DOK5: variants seen among roughly 807,000 people sequenced by gnomAD.
DOK5 encodes docking protein 5.
Under a neutral mutation model 43.3 loss-of-function variants are expected in DOK5, and 27 were observed. That is an observed-to-expected ratio of 0.62 (90% CI 0.46 to 0.86). The LOEUF is 0.86. Among genes scored for constraint, DOK5 ranks in the 40% least tolerant of loss-of-function variants. DOK5 has a pLI of 0.00. For missense variants in DOK5, 373 were observed against 392.9 expected (o/e 0.95, Z 0.43); for synonymous variants, 146 against 140.1 (o/e 1.04, Z -0.30).
chr20:54,619,872 G>C (rs1986928078), intron 6 of DOK5, among the ~76,000 whole-genome samples: 1 of 152,128 alleles, frequency 6.6e-6, no homozygotes, highest in Non-Finnish European at 1.5e-5. Context: ...AGAAATCATA[G>C]AGTCAATTTC....
chr20:54,527,290 C>A (rs1983609148), intron 1 of DOK5, among the ~76,000 whole-genome samples: 1 of 152,040 alleles, frequency 6.6e-6, no homozygotes, highest in South Asian at 2.1e-4. Context: ...TTTTCCTCTA[C>A]AATTAATAGC....
chr20:54,521,101 C>T (rs1600677553), intron 1 of DOK5, among the ~76,000 whole-genome samples: 1 of 152,104 alleles, frequency 6.6e-6, no homozygotes, highest in East Asian at 1.9e-4. Context: ...GACCTGTGAG[C>T]AACCTTCGAG....
chr20:54,521,935 C>G (rs768127829), intron 1 of DOK5, among the ~76,000 whole-genome samples: 6 of 152,284 alleles, frequency 3.9e-5, no homozygotes, highest in Non-Finnish European at 7.3e-5. Context: ...GTGCTGGAAC[C>G]AGGGACAAAG....
Position 54,643,570 on chromosome 20 carries a change from G to A in DOK5, c.848G>A (p.Arg283His), listed in dbSNP as rs763596717. The A allele has an allele frequency of 4.0e-5, 65 of 1,612,372 alleles. No homozygotes were observed. Among genetic ancestry groups the A allele is most frequent in the Non-Finnish European group, 4.9e-5 (58 of 1,179,906 alleles). The part of the protein sequence containing the change: ...TRQHSTGQLY[R>H]LQDVSSPLKL... ...CAGCACAGCACGGGACAGCTCTACC[G>A]CTTGCAAGGTAAGCGTGGGGCTACC... The change falls in exon 7 of 8, where the codon CGC (arginine) becomes CAC (histidine). Residue 283 changes from arginine to histidine, a missense_variant. By Grantham distance (29) the Arg-to-His change is conservative. Transcript: ENST00000262593.
chr20:54,532,080 A>G (rs1483291295), intron 1 of DOK5, among the ~76,000 whole-genome samples: 1 of 152,168 alleles, frequency 6.6e-6, no homozygotes, highest in African/African-American at 2.4e-5. Flanking sequence ...CTATAGACAA[A>G]TACCCTCCAC....
intron 1 of DOK5, among the ~76,000 whole-genome samples, chr20:54,535,212 A>G (rs949219717): frequency 6.6e-6 from 1 of 151,858 alleles, no homozygotes; most frequent in African/African-American, 2.4e-5. Flanking sequence ...CCTTCCCTTA[A>G]ATTCTTGGCT....
chr20:54,618,154 A>G (rs372579666), intron 6 of DOK5, among the ~76,000 whole-genome samples: 2 of 152,162 alleles, frequency 1.3e-5, no homozygotes, highest in East Asian at 1.9e-4. Flanking sequence ...GATATAGATG[A>G]GAAAAGGGAT....
At chr20:54,496,851 A>G (rs748448906) in intron 1 of DOK5, among the ~76,000 whole-genome samples, 1 of 152,090 alleles carries the variant, frequency 6.6e-6, no homozygotes, top group African/African-American at 2.4e-5. Flanking sequence ...AACTTCTCCA[A>G]TTCTGTACTT....
Position 54,509,510 on chromosome 20 carries a change from T to C in DOK5, c.66+33498T>C, listed in dbSNP as rs565968336. Reference sequence around the variant, plus strand: ...TGCCCAGTTGGGAAAGATTTTAATATATTTTCATATATGATGGGAGGCCAT... The same window carrying C: ...TGCCCAGTTGGGAAAGATTTTAATACATTTTCATATATGATGGGAGGCCAT... On this transcript the variant is annotated intron_variant, in intron 1 of 7. Coordinates refer to ENST00000262593, the MANE Select transcript of DOK5 (RefSeq NM_018431.5). Among the ~76,000 whole-genome samples, 7 of 152,318 alleles carry C rather than the reference T, an allele frequency of 4.6e-5. No individual in the cohort carries two copies. In the East Asian group the frequency reaches 1.2e-3, roughly 25 times the overall value.
chr20:54,527,342 A>G (rs1332137058), intron 1 of DOK5, among the ~76,000 whole-genome samples: 3 of 152,158 alleles, frequency 2.0e-5, no homozygotes, highest in African/African-American at 4.8e-5. Context: ...TCAAGCGTAC[A>G]TTCATGTGCT....
In DOK5 at chr20:54,475,940, G is replaced by C; in HGVS notation, c.-7G>C. 6.2e-7 allele frequency: 1 copy of C among 1,613,240 alleles called. No homozygotes were observed. The highest frequency in any genetic ancestry group is 8.5e-7 in the Non-Finnish European group (1 of 1,179,906). On this transcript the variant is annotated 5_prime_UTR_variant, in exon 1 of 8. Coordinates refer to ENST00000262593, the MANE Select transcript of DOK5 (RefSeq NM_018431.5). This position sits in a 1 kb window ranked among gnomAD's most constrained non-coding sequence, Gnocchi z 4.2. ...TTGGGTAAAGGGGGGGTCACCGGCT[G>C]TCTGGGATGGCTTCCAATTTTAATG...
chr20:54,479,072 T>C (rs1981556419), intron 1 of DOK5, among the ~76,000 whole-genome samples: 1 of 152,028 alleles, frequency 6.6e-6, no homozygotes, highest in Admixed American at 6.6e-5. Context: ...TATACGTATA[T>C]TTATATATGT....
chr20:54,614,032 T>G (rs1196910755), intron 6 of DOK5, among the ~76,000 whole-genome samples: 1 of 149,146 alleles, frequency 6.7e-6, no homozygotes, highest in Non-Finnish European at 1.5e-5. Context: ...ATATATTTAT[T>G]TATATATATG....
At chr20:54,485,993 G>A (rs1018586409) in intron 1 of DOK5, among the ~76,000 whole-genome samples, 4 of 152,108 alleles carry the variant, frequency 2.6e-5, no homozygotes, top group Admixed American at 2.6e-4. Flanking sequence ...GTTGAGTTTT[G>A]AAAGTTCTTC....
At chr20:54,575,797 C>G (rs977524860) in intron 2 of DOK5, among the ~76,000 whole-genome samples, 6 of 152,132 alleles carry the variant, frequency 3.9e-5, no homozygotes, top group African/African-American at 1.2e-4. Context: ...ATCATTTAAC[C>G]AAAAGCAAGT....
intron 1 of DOK5, among the ~76,000 whole-genome samples, chr20:54,529,198 G>A (rs780844487): frequency 6.6e-6 from 1 of 152,300 alleles, no homozygotes; most frequent in East Asian, 1.9e-4. Flanking sequence ...GCATTAGGGT[G>A]TTAAGGAAGA....
intron 5 of DOK5, among the ~76,000 whole-genome samples, chr20:54,603,672 G>A (rs949836704): frequency 9.9e-5 from 15 of 152,024 alleles, no homozygotes; most frequent in Admixed American, 7.2e-4. Context: ...AAACTACAAC[G>A]CCCAGGACAG....
intron 1 of DOK5, among the ~76,000 whole-genome samples, chr20:54,537,471 GA>G (rs1312855077): frequency 6.6e-6 from 1 of 152,044 alleles, no homozygotes; most frequent in East Asian, 1.9e-4. Flanking sequence ...GAAGCATGAG[GA>G]AAAAAATTGA....
chr20:54,548,515 G>C (rs1568778156), intron 1 of DOK5, among the ~76,000 whole-genome samples: 1 of 152,012 alleles, frequency 6.6e-6, no homozygotes, highest in Non-Finnish European at 1.5e-5. Flanking sequence ...GGAATTACAG[G>C]CATGAGCCAC....
Sources: gnomAD v4.1 joint callset for allele counts (sites outside exome capture counted in the v4.1 genomes callset) on GRCh38, gnomAD v4.1.1 for gene constraint, Gnocchi (gnomAD v3.1) non-coding constraint, MANE v1.5 for transcripts, NCBI Gene and HGNC (gene_info 2026-07-23, HGNC 2026-07-21) for gene names.